Variants in RERE observed in about 807,000 individuals in gnomAD.
The protein encoded by RERE is arginine-glutamic acid dipeptide repeats.
RERE carries 40 observed loss-of-function variants against 146.1 expected under a neutral mutation model. That is an observed-to-expected ratio of 0.27 (90% CI 0.21 to 0.36). RERE has a LOEUF of 0.36. Ranked by LOEUF, RERE falls within the 10% of genes least tolerant of loss-of-function variation. The pLI, the probability that RERE is intolerant of heterozygous loss-of-function variation, is 1.00. For missense variants in RERE, 1,933 were observed against 2,138.7 expected (o/e 0.90, Z 1.90); for synonymous variants, 1,003 against 866.0 (o/e 1.16, Z -2.78).
intron 7 of RERE, among the ~76,000 whole-genome samples, chr1:8,539,190 A>G (rs1645766093): frequency 6.6e-6 from 1 of 152,216 alleles, no homozygotes; most frequent in African/African-American, 2.4e-5. Flanking sequence ...CTTTGTATCT[A>G]GAGAGAAATC....
chr1:8,354,989 T>C lies in RERE; in HGVS notation c.*98A>G. The C allele has an allele frequency of 1.1e-6, 1 of 935,260 alleles. No homozygotes were observed. Among genetic ancestry groups the C allele is most frequent in the Non-Finnish European group, 1.7e-6 (1 of 592,510 alleles). 57.9% of individuals were successfully genotyped at this position (935,260 alleles called of 1,614,324 possible). A position where few individuals can be genotyped will look rare whatever the true frequency, so the allele number is the denominator to read the frequency against. ...AATATATAAAGAAATCTTTAGAAGA[T>C]ATTCTTTTTGCTTTTGCAGCTCCTA... On this transcript the variant is annotated 3_prime_UTR_variant, in exon 23 of 23. Transcript: ENST00000400908.
intron 2 of RERE, among the ~76,000 whole-genome samples, chr1:8,648,983 T>A (rs1041152045): frequency 2.3e-4 from 30 of 131,996 alleles, no homozygotes; most frequent in African/African-American, 6.9e-4. Context: ...AAAAAAAAAA[T>A]CTCACAATAA....
intron 10 of RERE, among the ~76,000 whole-genome samples, chr1:8,477,371 T>C (rs1037649907): frequency 3.9e-5 from 6 of 152,254 alleles, no homozygotes; most frequent in Admixed American, 6.5e-5. Flanking sequence ...AGACTGTTTA[T>C]GCTGCTTTTC....
chr1:8,716,299 C>CAAAAAAA (rs34590852), intron 1 of RERE, among the ~76,000 whole-genome samples: 3 of 109,590 alleles, frequency 2.7e-5, no homozygotes, highest in Non-Finnish European at 3.8e-5. Flanking sequence ...CTCATCTCTA[C>CAAAAAAA]AAAAAAAAAA....
At chr1:8,577,479 T>C (rs376805488) in intron 4 of RERE, among the ~76,000 whole-genome samples, 20 of 152,324 alleles carry the variant, frequency 1.3e-4, no homozygotes, top group Non-Finnish European at 2.5e-4. Flanking sequence ...CAGTTGGTCA[T>C]GCCAACAGTC....
intron 1 of RERE, among the ~76,000 whole-genome samples, chr1:8,735,200 A>G (rs968797536): frequency 5.9e-5 from 9 of 152,240 alleles, no homozygotes; most frequent in Admixed American, 5.9e-4. Flanking sequence ...GCAATTTGTT[A>G]CAATCTAAAA....
At chr1:8,526,676 T>C (rs912727402) in intron 7 of RERE, among the ~76,000 whole-genome samples, 5 of 152,170 alleles carry the variant, frequency 3.3e-5, no homozygotes, top group African/African-American at 9.7e-5. Flanking sequence ...AATTAAAACA[T>C]TTCCTAAAGT....
At chr1:8,781,086 G>C (rs147939236) in intron 1 of RERE, among the ~76,000 whole-genome samples, 2 of 151,820 alleles carry the variant, frequency 1.3e-5, no homozygotes, top group Middle Eastern at 6.8e-3. Flanking sequence ...GGCCAGGCAC[G>C]GTGGCTCACA....
intron 2 of RERE, among the ~76,000 whole-genome samples, chr1:8,653,789 C>G (rs1461258511): frequency 6.6e-6 from 1 of 151,336 alleles, no homozygotes; most frequent in Non-Finnish European, 1.5e-5. Context: ...TGTGGTAACT[C>G]TGAGAGATTC....
At chr1:8,481,726 G>A (rs1253218665) in intron 10 of RERE, among the ~76,000 whole-genome samples, 5 of 152,154 alleles carry the variant, frequency 3.3e-5, no homozygotes, top group Non-Finnish European at 7.4e-5. Flanking sequence ...CCTATGACTG[G>A]CTCAAAATTC....
intron 1 of RERE, among the ~76,000 whole-genome samples, chr1:8,759,879 T>C (rs868412846): frequency 2.9e-5 from 4 of 136,986 alleles, no homozygotes; most frequent in African/African-American, 1.1e-4. Flanking sequence ...ACACACACAA[T>C]ATGTCTTGAT....
intron 4 of RERE, among the ~76,000 whole-genome samples, chr1:8,570,739 G>C (rs997605564): frequency 6.6e-6 from 1 of 152,208 alleles, no homozygotes; most frequent in Admixed American, 6.5e-5. Context: ...AGATGAAGTC[G>C]ACAAGCTGCA....
rs3082123 is a variant in RERE, at chr1:8,585,146, C to CAAAA, written c.523-27627_523-27624dup. Among the ~76,000 whole-genome samples the CAAAA allele has an allele frequency of 1.6e-3, 207 of 130,092 alleles. 2 individuals are homozygous for CAAAA. Among genetic ancestry groups the CAAAA allele is most frequent in the African/African-American group, 5.5e-3 (189 of 34,312 alleles). 85.3% of individuals were successfully genotyped at this position (130,092 alleles called of 152,430 possible). A position where few individuals can be genotyped will look rare whatever the true frequency, so the allele number is the denominator to read the frequency against. On this transcript the variant is annotated intron_variant, in intron 4 of 22. Transcript: ENST00000400908. ...TGGGCAACGGAGCAAGACTCCATCT[C>CAAAA]AAAAAAAAAAAAAAAGAAGTAATTA...
intron 1 of RERE, among the ~76,000 whole-genome samples, chr1:8,715,820 T>C (rs1639753321): frequency 6.6e-6 from 1 of 151,954 alleles, no homozygotes; most frequent in Non-Finnish European, 1.5e-5. Flanking sequence ...AGGAGGATTG[T>C]TGAGCCCAGA....
intron 11 of RERE, among the ~76,000 whole-genome samples, chr1:8,440,143 T>C (rs1006018090): frequency 6.6e-6 from 1 of 152,200 alleles, no homozygotes; most frequent in Non-Finnish European, 1.5e-5. Context: ...ACACCAACTC[T>C]ATGCAGCATC....
intron 1 of RERE, among the ~76,000 whole-genome samples, chr1:8,677,248 G>A (rs1326200078): frequency 6.6e-6 from 1 of 151,958 alleles, no homozygotes; most frequent in African/African-American, 2.4e-5. Context: ...TGGCCAACAT[G>A]GTAAAACCCT....
At chr1:8,361,949 C>G in intron 16 of RERE, 73 bp from the exon 17 acceptor site, 1 of 1,103,076 alleles carries the variant, frequency 9.1e-7, no homozygotes, top group Non-Finnish European at 1.4e-6. Flanking sequence ...AAGGAAATGA[C>G]GGTTTGCAGA....
chr1:8,591,995 C>T (rs1017209857), intron 4 of RERE, among the ~76,000 whole-genome samples: 1 of 152,074 alleles, frequency 6.6e-6, no homozygotes, highest in African/African-American at 2.4e-5. Context: ...GCTTAACACA[C>T]TGAAAGGAAA....
Position 8,593,677 on chromosome 1 carries a change from A to G in RERE, c.522+20884T>C, listed in dbSNP as rs1271973050. 4.6e-5 allele frequency among the ~76,000 whole-genome samples: 7 copies of G among 152,220 alleles called. No individual in the cohort carries two copies. In the East Asian group the frequency reaches 1.2e-3, roughly 25 times the overall value. On this transcript the variant is annotated intron_variant, in intron 4 of 22. Transcript: ENST00000400908. Reference sequence around the variant, plus strand: ...TGGGATGGAGGACCAGTGTCCCCCAATCCACTGCAGAGCAGTGATTTTTAC... The same window carrying G: ...TGGGATGGAGGACCAGTGTCCCCCAGTCCACTGCAGAGCAGTGATTTTTAC...
Sources: allele counts gnomAD v4.1 joint callset (sites outside exome capture counted in the v4.1 genomes callset), GRCh38; gene constraint gnomAD v4.1.1; transcripts MANE v1.5; gene names NCBI Gene and HGNC (gene_info 2026-07-23, HGNC 2026-07-21).